Variants in PRKCB observed in about 807,000 individuals in gnomAD.
PRKCB encodes protein kinase C beta, also known as protein kinase C beta type.
A neutral mutation model predicts 81.5 loss-of-function variants in PRKCB; 13 were observed. The ratio of observed to expected loss-of-function variants is 0.16; its 90% confidence interval spans 0.10 to 0.25. The LOEUF (loss-of-function observed/expected upper bound fraction) is 0.25. PRKCB is among the 10% of genes least tolerant of loss of function. The pLI, the probability that PRKCB is intolerant of heterozygous loss-of-function variation, is 1.00. For missense variants in PRKCB, 509 were observed against 875.7 expected, an observed-to-expected ratio of 0.58 and a Z score of 5.29; for synonymous variants, 335 against 321.4, an observed-to-expected ratio of 1.04 and a Z score of -0.45.
intron 2 of PRKCB, among the ~76,000 whole-genome samples, chr16:23,907,690 A>G: frequency 6.6e-6 from 1 of 152,230 alleles, no homozygotes; most frequent in East Asian, 1.9e-4. Context: ...CTCAGAGACC[A>G]GAACACCCAG....
At chr16:24,084,309 A>G (rs1467829008) in intron 5 of PRKCB, among the ~76,000 whole-genome samples, 1 of 152,178 alleles carries the variant, frequency 6.6e-6, no homozygotes, top group Non-Finnish European at 1.5e-5. Flanking sequence ...ATAATATACT[A>G]TATAAAATGT....
intron 2 of PRKCB, among the ~76,000 whole-genome samples, chr16:23,879,195 G>A (rs553675627): frequency 6.6e-6 from 1 of 151,614 alleles, no homozygotes; most frequent in East Asian, 1.9e-4. Flanking sequence ...AAAAGAGGCA[G>A]TGTAGTGGTT....
rs755752527 is a variant in PRKCB, at chr16:23,971,203, G to A, written c.206-17305G>A. On this transcript the variant is annotated intron_variant, in intron 2 of 16. Coordinates refer to ENST00000643927, the MANE Select transcript of PRKCB (RefSeq NM_002738.7). ...TACCATCATTGTCACCATCTCCATC[G>A]ATCAGCTCTAATCAAAACTGACCCA... Among the ~76,000 whole-genome samples, 5 of 152,102 alleles carry A rather than the reference G, an allele frequency of 3.3e-5. No individual in the cohort carries two copies. The South Asian group carries it at 6.2e-4, about 19-fold the overall frequency.
rs1406058201 is a variant in PRKCB, at chr16:24,109,103, G to A, written c.822-3870G>A. Among the ~76,000 whole-genome samples the A allele has an allele frequency of 4.1e-5, 6 of 146,182 alleles. No individual in the cohort carries two copies. In the South Asian group the frequency reaches 6.5e-4, roughly 16 times the overall value. On this transcript the variant is annotated intron_variant, in intron 7 of 16. Transcript: ENST00000643927. ...GGGCTCCTCACTTCCCAGTAGGGGCGGCCGGGCAGAGGCGCCCCTCACCTC... is the reference window on the plus strand; with the variant it reads ...GGGCTCCTCACTTCCCAGTAGGGGCAGCCGGGCAGAGGCGCCCCTCACCTC...
intron 7 of PRKCB, among the ~76,000 whole-genome samples, chr16:24,096,095 A>G (rs930137539): frequency 2.0e-5 from 3 of 152,104 alleles, no homozygotes. Flanking sequence ...CGGGAGATCG[A>G]GACCATCCTG....
rs577963203 is a variant in PRKCB at position 23,915,637 on chromosome 16, A to G, written c.206-72871A>G. 3.5e-3 allele frequency among the ~76,000 whole-genome samples: 451 copies of G among 128,188 alleles called. 6 individuals are homozygous for G. Among genetic ancestry groups the G allele is most frequent in the African/African-American group, 0.013 (437 of 34,806 alleles). 84.1% of individuals were successfully genotyped at this position (128,188 alleles called of 152,430 possible). A position where few individuals can be genotyped will look rare whatever the true frequency, so the allele number is the denominator to read the frequency against. ...AGCCCAGGAGGTGGAGGCTGCAGTG[A>G]GCTTTGATTGCACCACTGCATTCCA... On this transcript the variant is annotated intron_variant, in intron 2 of 16. Coordinates refer to ENST00000643927, the MANE Select transcript of PRKCB (RefSeq NM_002738.7).
chr16:24,192,401 G>C (rs968992467), intron 16 of PRKCB, among the ~76,000 whole-genome samples: 3 of 152,202 alleles, frequency 2.0e-5, no homozygotes, highest in African/African-American at 7.2e-5. Flanking sequence ...GGGTCGAAGA[G>C]GGCCCCACAT....
At chr16:23,986,109 TA>T (rs1964800019) in intron 2 of PRKCB, among the ~76,000 whole-genome samples, 1 of 152,054 alleles carries the variant, frequency 6.6e-6, no homozygotes, top group Non-Finnish European at 1.5e-5. Context: ...CATATAAAAG[TA>T]CAAAAAAACT....
At chr16:24,087,044 A>T (rs1480988558) in intron 5 of PRKCB, among the ~76,000 whole-genome samples, 1 of 152,284 alleles carries the variant, frequency 6.6e-6, no homozygotes, top group South Asian at 2.1e-4. Flanking sequence ...ATGTATTTTT[A>T]TATGTGTGCA....
At chr16:23,875,677 TCA>T (rs10577969) in intron 2 of PRKCB, among the ~76,000 whole-genome samples, 2,121 of 80,196 alleles carry the variant, frequency 0.026, 97 homozygotes, top group East Asian at 0.033. Context: ...TGTATGTATA[TCA>T]CACACATATA....
intron 2 of PRKCB, among the ~76,000 whole-genome samples, chr16:23,958,702 TC>T: frequency 6.6e-6 from 1 of 152,080 alleles, no homozygotes; most frequent in East Asian, 1.9e-4. Context: ...CTTCTCCTCC[TC>T]CTCTTCTTCT....
intron 2 of PRKCB, among the ~76,000 whole-genome samples, chr16:23,859,750 A>C (rs934668647): frequency 1.3e-5 from 2 of 152,102 alleles, no homozygotes; most frequent in African/African-American, 4.8e-5. Context: ...TAGCTTGAAG[A>C]ATAGAAAATT....
intron 9 of PRKCB, among the ~76,000 whole-genome samples, chr16:24,124,370 C>T (rs959522640): frequency 3.3e-5 from 5 of 152,088 alleles, no homozygotes; most frequent in East Asian, 1.9e-4. Context: ...AGGTATAGGA[C>T]GTGATGTTGC....
chr16:24,094,834 A>G (rs1376210983), intron 7 of PRKCB, among the ~76,000 whole-genome samples: 1 of 148,214 alleles, frequency 6.7e-6, no homozygotes. Flanking sequence ...GAAGGAAGGA[A>G]GGAAGGAAGG....
At chr16:24,187,709 C>T (rs1208623613) in intron 15 of PRKCB, among the ~76,000 whole-genome samples, 2 of 151,964 alleles carry the variant, frequency 1.3e-5, no homozygotes, top group East Asian at 3.9e-4. Flanking sequence ...ATCAATGTCT[C>T]GCTCTGTCGC....
Position 24,218,342 on chromosome 16 carries a change from GGAAAC to G in PRKCB, c.*3527_*3531del. The G allele has an allele frequency of 1.0e-6, 1 of 985,246 alleles. No homozygotes were observed. The highest frequency in any genetic ancestry group is 1.2e-6 in the Non-Finnish European group (1 of 829,928). 61.0% of individuals were successfully genotyped at this position (985,246 alleles called of 1,614,324 possible). On this transcript the variant is annotated 3_prime_UTR_variant, in exon 17 of 17. Transcript: ENST00000643927. The stretch of plus-strand genomic sequence containing the variant: ...GTAACATGCCGAGCGCCTGGGGGAT[GGAAAC>G]TCCTATAGCACCCCACAGGCTAACA...
At chr16:24,163,921 G>A (rs993104500) in intron 10 of PRKCB, among the ~76,000 whole-genome samples, 1 of 152,192 alleles carries the variant, frequency 6.6e-6, no homozygotes, top group African/African-American at 2.4e-5. Context: ...ACCAGAACCA[G>A]GGCTCTTAAC....
chr16:24,078,608 G>A (rs965703140), intron 5 of PRKCB, among the ~76,000 whole-genome samples: 2 of 152,158 alleles, frequency 1.3e-5, no homozygotes, highest in Admixed American at 6.5e-5. Flanking sequence ...AAACTCTGCC[G>A]TGCATGAGTA....
chr16:24,048,874 T>A (rs181805373), intron 5 of PRKCB, among the ~76,000 whole-genome samples: 25 of 152,178 alleles, frequency 1.6e-4, no homozygotes, highest in African/African-American at 6.0e-4. Flanking sequence ...CAACTTTTGC[T>A]ATTACCCGTA....
Sources: allele counts gnomAD v4.1 joint callset (sites outside exome capture counted in the v4.1 genomes callset), GRCh38; gene constraint gnomAD v4.1.1; transcripts MANE v1.5; gene names NCBI Gene and HGNC (gene_info 2026-07-23, HGNC 2026-07-21).